TCERG1L: variants seen among roughly 807,000 people sequenced by gnomAD.
TCERG1L encodes the protein transcription elongation regulator 1-like protein.
In TCERG1L, 37 loss-of-function variants were observed where a neutral mutation model predicts 56.3. That is an observed-to-expected ratio of 0.66 (90% CI 0.51 to 0.87). The LOEUF (loss-of-function observed/expected upper bound fraction) is 0.87, where lower values mean the gene tolerates loss of function less well. Among genes scored for constraint, TCERG1L ranks in the 40% least tolerant of loss-of-function variants. The pLI is 0.00. For missense variants in TCERG1L, 799 were observed against 774.2 expected, an observed-to-expected ratio of 1.03 and a Z score of -0.38; for synonymous variants, 324 against 326.3, an observed-to-expected ratio of 0.99 and a Z score of 0.08.
chr10:131,281,429 TAA>T (rs1233425337), intron 3 of TCERG1L, among the ~76,000 whole-genome samples: 1 of 151,854 alleles, frequency 6.6e-6, no homozygotes, highest in Non-Finnish European at 1.5e-5. Context: ...TCCATTGCAG[TAA>T]AGACAATGCT....
intron 4 of TCERG1L, among the ~76,000 whole-genome samples, chr10:131,256,360 C>T (rs1846164651): frequency 2.0e-5 from 3 of 152,122 alleles, no homozygotes; most frequent in Admixed American, 1.3e-4. Flanking sequence ...ATAGTCACTT[C>T]CCAGCTGTTC....
intron 6 of TCERG1L, among the ~76,000 whole-genome samples, chr10:131,156,637 G>C (rs950552177): frequency 6.6e-6 from 1 of 152,102 alleles, no homozygotes; most frequent in African/African-American, 2.4e-5. Flanking sequence ...GTTGAAGATC[G>C]ACCCCTGACC....
chr10:131,298,390 T>A (rs1846721021), intron 3 of TCERG1L, among the ~76,000 whole-genome samples: 1 of 152,180 alleles, frequency 6.6e-6, no homozygotes, highest in Admixed American at 6.5e-5. Context: ...CTAACTTAAT[T>A]TTGTTGTGGT....
At chr10:131,211,176 C>T (rs1845615135) in intron 4 of TCERG1L, among the ~76,000 whole-genome samples, 2 of 152,190 alleles carry the variant, frequency 1.3e-5, no homozygotes, top group African/African-American at 4.8e-5. Context: ...TATGGCTCGG[C>T]CCTCCCTGCT....
intron 4 of TCERG1L, among the ~76,000 whole-genome samples, chr10:131,220,512 T>C (rs1437052132): frequency 6.6e-6 from 1 of 152,184 alleles, no homozygotes; most frequent in Non-Finnish European, 1.5e-5. Flanking sequence ...TACTCAACTC[T>C]GGCTACTGAC....
At chr10:131,281,965 T>A (rs1410714586) in intron 3 of TCERG1L, among the ~76,000 whole-genome samples, 1 of 151,506 alleles carries the variant, frequency 6.6e-6, no homozygotes, top group Admixed American at 6.6e-5. Flanking sequence ...TGAAACCCCA[T>A]CTCTACTAAA....
chr10:131,239,928 G>A (rs540098081), intron 4 of TCERG1L, among the ~76,000 whole-genome samples: 1 of 152,212 alleles, frequency 6.6e-6, no homozygotes, highest in Non-Finnish European at 1.5e-5. Context: ...ATGCAGAGGA[G>A]AGCGGTCCTT....
chr10:131,200,129 C>G lies in TCERG1L; in HGVS notation c.857-33244G>C, dbSNP rs147355467. 6.6e-4 allele frequency among the ~76,000 whole-genome samples: 101 copies of G among 152,348 alleles called. 1 individual carries two copies. The highest frequency in any genetic ancestry group is 4.2e-3 in the East Asian group (22 of 5,182). On this transcript the variant is annotated intron_variant, in intron 4 of 11. Coordinates refer to ENST00000368642, the MANE Select transcript of TCERG1L (RefSeq NM_174937.4). ...CAATGCAGGCTTTTCCCAGCATTCA[C>G]TCTGAAACGATTCCAGCCTCTGCCC...
At chr10:131,205,758 C>T (rs971062548) in intron 4 of TCERG1L, among the ~76,000 whole-genome samples, 3 of 152,178 alleles carry the variant, frequency 2.0e-5, no homozygotes, top group Non-Finnish European at 4.4e-5. Context: ...CTCAGCACGG[C>T]GGACCTCATC....
chr10:131,308,119 T>C, intron 3 of TCERG1L, 92 bp downstream of exon 3: 1 of 1,238,104 alleles, frequency 8.1e-7, no homozygotes, highest in Non-Finnish European at 1.1e-6. Context: ...AATTGTTTCA[T>C]TAAAATGATG....
chr10:131,283,193 G>A (rs967972114), intron 3 of TCERG1L, among the ~76,000 whole-genome samples: 3 of 152,204 alleles, frequency 2.0e-5, no homozygotes, highest in African/African-American at 7.2e-5. Flanking sequence ...CCTTAGACGG[G>A]ATGCATTGGT....
chr10:131,226,488 A>G (rs1845792119), intron 4 of TCERG1L, among the ~76,000 whole-genome samples: 1 of 152,196 alleles, frequency 6.6e-6, no homozygotes, highest in Admixed American at 6.5e-5. Context: ...GAATCCAGGA[A>G]ATGATTGAGT....
intron 9 of TCERG1L, among the ~76,000 whole-genome samples, chr10:131,106,631 T>C (rs139583097): frequency 1.6e-4 from 24 of 152,108 alleles, no homozygotes; most frequent in African/African-American, 5.8e-4. Context: ...AGCATTGTCT[T>C]GAGAGACAGG....
At chr10:131,123,724 G>C (rs1845536475) in intron 8 of TCERG1L, among the ~76,000 whole-genome samples, 1 of 151,798 alleles carries the variant, frequency 6.6e-6, no homozygotes, top group Middle Eastern at 3.2e-3. Context: ...TCTGAGCCTT[G>C]GAGTGCAGAG....
intron 4 of TCERG1L, among the ~76,000 whole-genome samples, chr10:131,233,194 A>C (rs532558053): frequency 1.3e-5 from 2 of 152,344 alleles, no homozygotes; most frequent in South Asian, 4.2e-4. Context: ...AGTACAGATC[A>C]TACATCGCGA....
chr10:131,246,881 A>C lies in TCERG1L; in HGVS notation c.856+13378T>G, dbSNP rs73398448. 5.5e-3 allele frequency among the ~76,000 whole-genome samples: 831 copies of C among 152,024 alleles called. 9 individuals carry two copies. The highest frequency in any genetic ancestry group is 0.019 in the African/African-American group (797 of 41,484). On this transcript the variant is annotated intron_variant, in intron 4 of 11. Transcript: ENST00000368642. The stretch of plus-strand genomic sequence containing the variant: ...CTCAGCGGACAGGACTCTGAGACTC[A>C]GAGTTCAAACCAAATAGCAGGCGCC...
At chr10:131,208,279 A>G (rs1845566765) in intron 4 of TCERG1L, among the ~76,000 whole-genome samples, 1 of 152,150 alleles carries the variant, frequency 6.6e-6, no homozygotes, top group Non-Finnish European at 1.5e-5. Flanking sequence ...GCTCCCTCTC[A>G]TGTGACATGA....
chr10:131,292,191 T>A (rs1846635264), intron 3 of TCERG1L, among the ~76,000 whole-genome samples: 1 of 152,228 alleles, frequency 6.6e-6, no homozygotes, highest in Non-Finnish European at 1.5e-5. Context: ...GGTAACAGTG[T>A]GGCGTTTTTT....
At chr10:131,281,929 G>T (rs1202691318) in intron 3 of TCERG1L, among the ~76,000 whole-genome samples, 4 of 152,030 alleles carry the variant, frequency 2.6e-5, no homozygotes, top group Non-Finnish European at 5.9e-5. Flanking sequence ...GAGGTCAGGA[G>T]ATCGAGACCA....
Sources: allele counts gnomAD v4.1 joint callset (sites outside exome capture counted in the v4.1 genomes callset), GRCh38; gene constraint gnomAD v4.1.1; transcripts MANE v1.5; gene names NCBI Gene and HGNC (gene_info 2026-07-23, HGNC 2026-07-21).